NNMT: variants seen among roughly 807,000 people sequenced by gnomAD.
The protein encoded by NNMT is nicotinamide N-methyltransferase.
A neutral mutation model predicts 11.7 loss-of-function variants in NNMT; 10 were observed. The ratio of observed to expected loss-of-function variants is 0.85; its 90% CI spans 0.53 to 1.45. NNMT has a LOEUF of 1.45. Ranked by LOEUF, NNMT falls within the 40% of genes most tolerant of loss-of-function variation. The probability of loss-of-function intolerance (pLI) is 0.00; values close to 1 mark genes in which losing one functional copy is unlikely to be tolerated. For synonymous variants in NNMT, 143 were observed against 133.8 expected, an observed-to-expected ratio of 1.07 and a Z score of -0.48; for missense variants, 381 against 319.4, an observed-to-expected ratio of 1.19 and a Z score of -1.47.
rs1490346539 is a variant in NNMT at position 114,296,634 on chromosome 11, G to A, written c.78G>A (p.Lys26=). 3.1e-6 allele frequency: 5 copies of A among 1,613,986 alleles called. No individual in the cohort carries two copies. The Admixed American group carries it at 8.3e-5, about 27-fold the overall frequency. The part of the protein sequence containing the change: ...NPRDYLEKYY[K]FGSRHSAESQ... ...GGGATTACCTAGAAAAATATTACAA[G>A]TTTGGTTCTAGGCACTCTGCAGAAA... is the stretch of plus-strand genomic sequence containing the variant. The change falls in exon 1 of 3, where the codon AAG becomes AAA. Residue 26 remains lysine, a synonymous_variant. Coordinates refer to ENST00000299964, the MANE Select transcript of NNMT (RefSeq NM_006169.3).
chr11:114,284,612 T>C (rs367904935), intron 2 of NNMT, among the ~76,000 whole-genome samples: 264 of 151,808 alleles, frequency 1.7e-3, no homozygotes, highest in African/African-American at 6.1e-3. Context: ...TACAGGCATG[T>C]GCCACCACAC....
At chr11:114,300,032 G>T (rs1275112442) in intron 2 of NNMT, among the ~76,000 whole-genome samples, 2 of 151,464 alleles carry the variant, frequency 1.3e-5, no homozygotes, top group Admixed American at 6.6e-5. Flanking sequence ...TCTTATTTTT[G>T]ATCACTTTCT....
chr11:114,283,206 T>C (rs1416436083), intron 2 of NNMT, among the ~76,000 whole-genome samples: 1 of 152,164 alleles, frequency 6.6e-6, no homozygotes, highest in East Asian at 1.9e-4. Flanking sequence ...CAGGTCTCTA[T>C]ATGAAGGAGA....
At chr11:114,258,328 C>A (rs1591822128) in intron 1 of NNMT, among the ~76,000 whole-genome samples, 2 of 152,378 alleles carry the variant, frequency 1.3e-5, no homozygotes, top group South Asian at 4.1e-4. Flanking sequence ...CAGCTCTCCT[C>A]CCAGTCGCTC....
intron 2 of NNMT, among the ~76,000 whole-genome samples, chr11:114,302,892 T>G (rs1945451462): frequency 6.6e-6 from 1 of 152,178 alleles, no homozygotes; most frequent in Admixed American, 6.5e-5. Context: ...TAGCTCTCCT[T>G]CTGCCATATA....
chr11:114,265,835 G>T (rs1565718185), intron 2 of NNMT, among the ~76,000 whole-genome samples: 4 of 151,756 alleles, frequency 2.6e-5, no homozygotes, highest in Non-Finnish European at 5.9e-5. Flanking sequence ...TGTCCAATCT[G>T]TTATTATTAT....
At chr11:114,273,696 C>T (rs376006175) in intron 2 of NNMT, among the ~76,000 whole-genome samples, 2 of 152,106 alleles carry the variant, frequency 1.3e-5, no homozygotes, top group East Asian at 1.9e-4. Context: ...TAAAATTAGC[C>T]GGGTATGGTG....
intron 2 of NNMT, among the ~76,000 whole-genome samples, chr11:114,299,075 A>T (rs1945412773): frequency 6.6e-6 from 1 of 152,234 alleles, no homozygotes; most frequent in Non-Finnish European, 1.5e-5. Flanking sequence ...TCTGCAAATA[A>T]AAATAGGTTT....
At position 114,298,016 on chromosome 11, in the gene NNMT, G is replaced by A. The variant is rs754656615; in HGVS notation, c.220G>A (p.Ala74Thr). 6.2e-7 allele frequency: 1 copy of A among 1,613,970 alleles called. No homozygotes were observed. The highest frequency in any genetic ancestry group is 1.1e-5 in the South Asian group (1 of 91,070). The change falls in exon 2 of 3, where the codon GCT becomes ACT. Residue 74 changes from alanine (A) to threonine (T), a missense_variant. Transcript: ENST00000299964. ...SGPTIYQLLS[A>T]CESFKEIVVT... ...CCCCACTATCTATCAGCTCCTCTCT[G>A]CTTGTGAATCCTTTAAGGAGATCGT...
intron 1 of NNMT, among the ~76,000 whole-genome samples, chr11:114,297,168 T>C (rs1031964824): frequency 2.6e-5 from 4 of 152,232 alleles, no homozygotes; most frequent in African/African-American, 9.6e-5. Context: ...TTGAAAGTAT[T>C]GCTTAATAGT....
In NNMT at chr11:114,296,642, C is replaced by T. The variant is rs771701415; in HGVS notation, c.86C>T (p.Ser29Phe). 4.3e-6 allele frequency: 7 copies of T among 1,614,156 alleles called. No homozygotes were observed. Among genetic ancestry groups the T allele is most frequent in the South Asian group, 1.1e-5 (1 of 91,074 alleles). ...DYLEKYYKFGSRHSAESQILK... is the reference protein window; with the variant it reads ...DYLEKYYKFGFRHSAESQILK... ...CTAGAAAAATATTACAAGTTTGGTTCTAGGCACTCTGCAGAAAGCCAGATT... is the reference window on the plus strand; with the variant it reads ...CTAGAAAAATATTACAAGTTTGGTTTTAGGCACTCTGCAGAAAGCCAGATT... Residue 29 changes from serine (S) to phenylalanine (F), a missense_variant, in exon 1 of 3, where the codon TCT (serine) becomes TTT (phenylalanine). By Grantham distance (155) the Ser-to-Phe change is radical. Coordinates refer to ENST00000299964, the MANE Select transcript of NNMT (RefSeq NM_006169.3).
chr11:114,308,353 C>A (rs1945511435), intron 2 of NNMT, among the ~76,000 whole-genome samples: 1 of 152,070 alleles, frequency 6.6e-6, no homozygotes, highest in Non-Finnish European at 1.5e-5. Context: ...GATGTGAGGA[C>A]AATGAAAAAC....
At chr11:114,302,548 T>C (rs1945448446) in intron 2 of NNMT, among the ~76,000 whole-genome samples, 1 of 152,148 alleles carries the variant, frequency 6.6e-6, no homozygotes, top group Admixed American at 6.5e-5. Flanking sequence ...CTTTAGTTAG[T>C]AGTGATTTTA....
intron 2 of NNMT, among the ~76,000 whole-genome samples, chr11:114,275,237 A>G (rs1021101741): frequency 3.3e-5 from 5 of 152,144 alleles, no homozygotes; most frequent in African/African-American, 1.2e-4. Context: ...TATACTAGGT[A>G]TTTAAGAAGA....
chr11:114,268,466 T>C (rs997632792), intron 2 of NNMT, among the ~76,000 whole-genome samples: 1 of 152,020 alleles, frequency 6.6e-6, no homozygotes, highest in Non-Finnish European at 1.5e-5. Flanking sequence ...AAGCTTATGA[T>C]TGCTTAAAAA....
At chr11:114,268,661 C>T (rs760585475) in intron 2 of NNMT, among the ~76,000 whole-genome samples, 27 of 147,852 alleles carry the variant, frequency 1.8e-4, no homozygotes, top group Admixed American at 1.7e-3. Context: ...CCCAGCTACT[C>T]GGGAGGCTGA....
In NNMT at chr11:114,261,304, G is replaced by T. The variant is rs1017981690; in HGVS notation, c.-216-1544G>T. ...TCCCCTTAAAAGCTGCCTTGGGGCC[G>T]GGCGCGGTGGCTCACGCCTGTAATC... is the stretch of plus-strand genomic sequence containing the variant. On this transcript the variant is annotated intron_variant, in intron 1 of 4. Coordinates refer to the NNMT transcript ENST00000535401. Among the ~76,000 whole-genome samples the T allele has an allele frequency of 2.6e-5, 4 of 152,116 alleles. 1 individual carries two copies. The highest frequency in any genetic ancestry group is 2.0e-4 in the Admixed American group (3 of 15,272).
At chr11:114,281,270 C>T (rs991249501) in intron 2 of NNMT, among the ~76,000 whole-genome samples, 10 of 152,136 alleles carry the variant, frequency 6.6e-5, no homozygotes, top group Non-Finnish European at 1.2e-4. Context: ...AAGGCCAATC[C>T]GTGCGTTAGG....
chr11:114,279,717 C>G (rs1036576818), intron 2 of NNMT, among the ~76,000 whole-genome samples: 1 of 152,238 alleles, frequency 6.6e-6, no homozygotes, highest in Non-Finnish European at 1.5e-5. Flanking sequence ...TGCAATCAGA[C>G]TTCACCAATA....
Sources: allele counts gnomAD v4.1 joint callset (sites outside exome capture counted in the v4.1 genomes callset), GRCh38; gene constraint gnomAD v4.1.1; transcripts MANE v1.5; gene names NCBI Gene and HGNC (gene_info 2026-07-23, HGNC 2026-07-21).